The following HDAC4 variants were observed in gnomAD, a reference collection of about 807,000 sequenced individuals.
HDAC4 encodes histone deacetylase A.
In HDAC4, 16 loss-of-function variants were observed where a neutral mutation model predicts 135.1. The ratio of observed to expected loss-of-function variants is 0.12; its 90% CI spans 0.08 to 0.18. The LOEUF (loss-of-function observed/expected upper bound fraction) is 0.18, where lower values mean the gene tolerates loss of function less well. HDAC4 is among the 10% of genes least tolerant of loss of function. HDAC4 has a pLI of 1.00. For missense variants in HDAC4, 1,143 were observed against 1,511.8 expected, an observed-to-expected ratio of 0.76 and a Z score of 4.05; for synonymous variants, 685 against 653.4, an observed-to-expected ratio of 1.05 and a Z score of -0.74.
intron 2 of HDAC4, among the ~76,000 whole-genome samples, chr2:239,336,906 G>A (rs4852048): frequency 0.099 from 15,034 of 152,226 alleles, 1,336 homozygotes; most frequent in East Asian, 0.42. Flanking sequence ...ATCACACTTA[G>A]GTGTCGCATG....
intron 2 of HDAC4, among the ~76,000 whole-genome samples, chr2:239,254,413 G>A (rs1165924849): frequency 6.8e-6 from 1 of 147,756 alleles, no homozygotes; most frequent in Admixed American, 6.7e-5. Context: ...ACAACAAGCT[G>A]CGCTAAAAAA....
At chr2:239,059,995 G>A (rs977743886) in intron 24 of HDAC4, among the ~76,000 whole-genome samples, 2 of 152,336 alleles carry the variant, frequency 1.3e-5, no homozygotes, top group African/African-American at 4.8e-5. Context: ...AGTGACCGTG[G>A]ACTGTGCTGG....
intron 2 of HDAC4, among the ~76,000 whole-genome samples, chr2:239,280,819 C>T (rs1256129896): frequency 1.3e-5 from 2 of 150,922 alleles, no homozygotes; most frequent in South Asian, 2.1e-4. Context: ...ATGTACACAC[C>T]ACTCTACAAT....
At chr2:239,351,195 CTTAGAAGTTTACAAAATAT>C (rs1314354215) in intron 2 of HDAC4, among the ~76,000 whole-genome samples, 2 of 152,204 alleles carry the variant, frequency 1.3e-5, no homozygotes, top group Admixed American at 6.5e-5. Context: ...AGTAGTGATA[CTTAGAAGTTTACAAAATAT>C]ATGTATAATA....
Position 239,306,916 on chromosome 2 carries a change from C to T in HDAC4, c.22+45762G>A, listed in dbSNP as rs2052619336. On this transcript the variant is annotated intron_variant, in intron 2 of 26. Transcript: ENST00000543185. This position sits in a 1 kb window ranked among gnomAD's most constrained non-coding sequence, Gnocchi z 4.5. ...AGGAATGTCCAAGGAGGGCCTGAGC[C>T]TCCCGTGTGCACCTCCCCAAGGGCG... 6.6e-6 allele frequency among the ~76,000 whole-genome samples: 1 copy of T among 151,904 alleles called. No homozygotes were observed. Among genetic ancestry groups the T allele is most frequent in the South Asian group, 2.1e-4 (1 of 4,820 alleles).
intron 2 of HDAC4, among the ~76,000 whole-genome samples, chr2:239,330,437 G>A (rs1362603198): frequency 2.6e-5 from 4 of 152,250 alleles, no homozygotes; most frequent in East Asian, 1.9e-4. Context: ...GCAAGAGGGC[G>A]ACAGGAAGGA....
intron 18 of HDAC4, among the ~76,000 whole-genome samples, chr2:239,088,824 C>G (rs767050920): frequency 1.3e-5 from 2 of 152,190 alleles, no homozygotes; most frequent in Non-Finnish European, 2.9e-5. Flanking sequence ...AGCCTGCTGG[C>G]TCTCTCACTA....
At chr2:239,162,208 C>A in intron 6 of HDAC4, 1 of 456,752 alleles carries the variant, frequency 2.2e-6, no homozygotes, top group South Asian at 1.5e-5. Context: ...CCCGTGCTTG[C>A]CCCACTCCTA....
At chr2:239,110,514 T>C (rs374053286) in intron 14 of HDAC4, among the ~76,000 whole-genome samples, 4 of 152,144 alleles carry the variant, frequency 2.6e-5, no homozygotes, top group South Asian at 4.1e-4. Flanking sequence ...CCTGTGACCT[T>C]CCATGGTTTT....
intron 14 of HDAC4, among the ~76,000 whole-genome samples, chr2:239,108,405 C>T (rs2038355625): frequency 6.6e-6 from 1 of 152,188 alleles, no homozygotes; most frequent in Non-Finnish European, 1.5e-5. Context: ...GAGGGCCTGC[C>T]TGTCACTCAT....
intron 22 of HDAC4, among the ~76,000 whole-genome samples, chr2:239,075,588 C>T (rs556930302): frequency 4.6e-5 from 7 of 152,336 alleles, no homozygotes; most frequent in African/African-American, 7.2e-5. Context: ...CAGAGGGAAA[C>T]GTGGTGCTAA....
chr2:239,208,129 T>C (rs956442816), intron 3 of HDAC4, among the ~76,000 whole-genome samples: 5 of 151,242 alleles, frequency 3.3e-5, no homozygotes, highest in African/African-American at 1.2e-4. Flanking sequence ...GAGACCATCC[T>C]GGCTAACACG....
chr2:239,205,616 T>A (rs147696611), intron 3 of HDAC4, among the ~76,000 whole-genome samples: 1 of 150,866 alleles, frequency 6.6e-6, no homozygotes, highest in African/African-American at 2.4e-5. Context: ...AGCAAAGAAC[T>A]GGGGGCTACG....
At chr2:239,261,337 G>A (rs1023119331) in intron 2 of HDAC4, among the ~76,000 whole-genome samples, 8 of 152,222 alleles carry the variant, frequency 5.3e-5, no homozygotes, top group African/African-American at 1.9e-4. Context: ...AGGGCGTACA[G>A]AAGGCACCAA....
chr2:239,185,646 C>T (rs1024133907), intron 4 of HDAC4, among the ~76,000 whole-genome samples: 6 of 152,152 alleles, frequency 3.9e-5, no homozygotes, highest in African/African-American at 1.4e-4. Context: ...CATGCTCTAG[C>T]CATGGCTTCG....
intron 9 of HDAC4, 63 bp from the exon 10 acceptor site, chr2:239,134,706 C>A: frequency 1.7e-6 from 2 of 1,198,434 alleles, no homozygotes; most frequent in Non-Finnish European, 2.5e-6. Flanking sequence ...CAATATACAC[C>A]AAGAAAAACA....
chr2:239,397,177 C>G (rs924293498), intron 1 of HDAC4, among the ~76,000 whole-genome samples: 4 of 152,248 alleles, frequency 2.6e-5, no homozygotes, highest in African/African-American at 9.6e-5. Flanking sequence ...AGCTGAACTT[C>G]AGCTTCAAGG....
chr2:239,101,274 G>A (rs761209986), intron 16 of HDAC4, among the ~76,000 whole-genome samples: 6 of 152,204 alleles, frequency 3.9e-5, no homozygotes, highest in African/African-American at 1.2e-4. Flanking sequence ...GAGCCCATGC[G>A]TGTCCTCACA....
In HDAC4 at chr2:239,201,911, T is replaced by C. The variant is rs913868485; in HGVS notation, c.95-11834A>G. Among the ~76,000 whole-genome samples the C allele has an allele frequency of 4.7e-4, 71 of 152,230 alleles. 1 individual carries two copies. The highest frequency in any genetic ancestry group is 4.0e-4 in the Non-Finnish European group (27 of 68,042). On this transcript the variant is annotated intron_variant, in intron 3 of 26. Transcript: ENST00000543185. ...AATCTACGTTTTCAAACTGCTTTCT[T>C]ACTGGCAGAAAAAAAGTCTAAGTAG...
Sources: gnomAD v4.1 joint callset for allele counts (sites outside exome capture counted in the v4.1 genomes callset) on GRCh38, gnomAD v4.1.1 for gene constraint, Gnocchi (gnomAD v3.1) non-coding constraint, MANE v1.5 for transcripts, NCBI Gene and HGNC (gene_info 2026-07-23, HGNC 2026-07-21) for gene names.